Variants in DGLUCY observed in about 807,000 individuals in gnomAD.
The protein encoded by DGLUCY is D-glutamate cyclase, also known as D-glutamate cyclase, mitochondrial.
In DGLUCY, 58 loss-of-function variants were observed where a neutral mutation model predicts 58.5. That is an observed-to-expected ratio of 0.99 (90% CI 0.80 to 1.23). The LOEUF is 1.23. DGLUCY is among the 50% of genes most tolerant of loss of function. The pLI is 0.00. For synonymous variants in DGLUCY, 325 were observed against 314.1 expected (o/e 1.03, Z -0.37); for missense variants, 779 against 784.7 (o/e 0.99, Z 0.09).
chr14:91,117,480 C>T (rs556404753), intron 1 of DGLUCY, among the ~76,000 whole-genome samples: 6 of 152,296 alleles, frequency 3.9e-5, no homozygotes, highest in Non-Finnish European at 7.3e-5. Context: ...GGTTTGGCCA[C>T]TCAATACCTA....
intron 8 of DGLUCY, among the ~76,000 whole-genome samples, chr14:91,183,137 C>T (rs2049288565): frequency 6.6e-6 from 1 of 151,490 alleles, no homozygotes; most frequent in African/African-American, 2.4e-5. Flanking sequence ...GACTACAGGC[C>T]GGCACCACCA....
chr14:91,210,249 T>G (rs1885455402), intron 12 of DGLUCY, among the ~76,000 whole-genome samples: 1 of 152,112 alleles, frequency 6.6e-6, no homozygotes, highest in South Asian at 2.1e-4. Context: ...GGGGGGAGCA[T>G]AACTGATAAA....
chr14:91,137,669 A>G (rs2046422407), intron 1 of DGLUCY, among the ~76,000 whole-genome samples: 2 of 151,926 alleles, frequency 1.3e-5, no homozygotes, highest in South Asian at 4.1e-4. Flanking sequence ...TGCTGGGATC[A>G]TAGGCGTGAG....
chr14:91,089,232 T>C (rs887761801), intron 1 of DGLUCY, among the ~76,000 whole-genome samples: 4 of 152,156 alleles, frequency 2.6e-5, no homozygotes, highest in African/African-American at 9.7e-5. Context: ...TCAGGGTTCT[T>C]TTGATGATGG....
intron 8 of DGLUCY, among the ~76,000 whole-genome samples, chr14:91,184,031 G>T (rs768432484): frequency 3.3e-5 from 5 of 151,882 alleles, no homozygotes; most frequent in Non-Finnish European, 5.9e-5. Flanking sequence ...ATTCCCCAGA[G>T]TCAGGTGGGC....
At chr14:91,074,310 AAAATAT>A (rs1168289075) in intron 1 of DGLUCY, among the ~76,000 whole-genome samples, 69 of 138,090 alleles carry the variant, frequency 5.0e-4, no homozygotes, top group African/African-American at 1.9e-3. Flanking sequence ...AAAAAAAAAA[AAAATAT>A]ATATATATAT....
At chr14:91,136,531 A>T (rs1227231492) in intron 1 of DGLUCY, among the ~76,000 whole-genome samples, 1 of 151,580 alleles carries the variant, frequency 6.6e-6, no homozygotes, top group Non-Finnish European at 1.5e-5. Context: ...TAAAAATACA[A>T]AAATTAACCA....
chr14:91,136,897 A>T (rs2046371329), intron 1 of DGLUCY, among the ~76,000 whole-genome samples: 2 of 151,582 alleles, frequency 1.3e-5, no homozygotes, highest in South Asian at 4.2e-4. Flanking sequence ...TGAACCCGGG[A>T]GGTGGAGGTT....
intron 1 of DGLUCY, among the ~76,000 whole-genome samples, chr14:91,097,079 G>A (rs751488915): frequency 7.9e-5 from 12 of 152,226 alleles, no homozygotes; most frequent in Non-Finnish European, 1.5e-4. Flanking sequence ...CTGCTAACAG[G>A]TCTGGGAGTT....
intron 1 of DGLUCY, among the ~76,000 whole-genome samples, chr14:91,120,177 C>T (rs532187324): frequency 1.6e-4 from 25 of 152,248 alleles, no homozygotes; most frequent in South Asian, 6.2e-4. Flanking sequence ...TCCTCAGCCA[C>T]GCAAAAGCTG....
chr14:91,146,882 C>T (rs1199954619), intron 1 of DGLUCY, among the ~76,000 whole-genome samples: 1 of 152,100 alleles, frequency 6.6e-6, no homozygotes, highest in Admixed American at 6.6e-5. Context: ...GAGCGCACCA[C>T]CCAGCACGGG....
At chr14:91,157,082 G>GATGA (rs1363668487) in intron 1 of DGLUCY, among the ~76,000 whole-genome samples, 80 of 147,704 alleles carry the variant, frequency 5.4e-4, no homozygotes, top group Non-Finnish European at 9.7e-4. Flanking sequence ...TGGATGGATG[G>GATGA]ATGGATGGAT....
At chr14:91,188,039 C>A (rs2049628982) in intron 8 of DGLUCY, among the ~76,000 whole-genome samples, 1 of 152,078 alleles carries the variant, frequency 6.6e-6, no homozygotes, top group African/African-American at 2.4e-5. Flanking sequence ...AGTGCTGTAA[C>A]CTAGAAGCCC....
chr14:91,223,072 G>T (rs760047152), intron 13 of DGLUCY, among the ~76,000 whole-genome samples: 2 of 152,160 alleles, frequency 1.3e-5, no homozygotes. Flanking sequence ...AACAATTGAG[G>T]ATTAGGTTCA....
intron 8 of DGLUCY, among the ~76,000 whole-genome samples, chr14:91,187,701 A>G (rs2049606024): frequency 6.6e-6 from 1 of 152,146 alleles, no homozygotes; most frequent in Non-Finnish European, 1.5e-5. Context: ...ACAGCTTGGT[A>G]GTGCAGAGGA....
chr14:91,142,534 C>T (rs1433415999), intron 1 of DGLUCY, among the ~76,000 whole-genome samples: 1 of 152,032 alleles, frequency 6.6e-6, no homozygotes, highest in East Asian at 1.9e-4. Flanking sequence ...CTTCCTGTCC[C>T]TCAGGCCTCC....
chr14:91,195,090 G>A (rs555646042), intron 9 of DGLUCY, among the ~76,000 whole-genome samples: 1 of 152,296 alleles, frequency 6.6e-6, no homozygotes, highest in Non-Finnish European at 1.5e-5. Flanking sequence ...AGATTGAGGA[G>A]CTGGCTGAAG....
chr14:91,137,309 CT>C (rs2046395691), intron 1 of DGLUCY, among the ~76,000 whole-genome samples: 1 of 151,954 alleles, frequency 6.6e-6, no homozygotes, highest in Non-Finnish European at 1.5e-5. Flanking sequence ...GTGTCTCGTT[CT>C]TTTACCTGGA....
At chr14:91,096,258 A>G (rs1030819272) in intron 1 of DGLUCY, among the ~76,000 whole-genome samples, 4 of 152,166 alleles carry the variant, frequency 2.6e-5, no homozygotes, top group Non-Finnish European at 5.9e-5. Context: ...TACTAAAAAT[A>G]CAAAAATTAG....
Sources: gnomAD v4.1 joint callset for allele counts (sites outside exome capture counted in the v4.1 genomes callset) on GRCh38, gnomAD v4.1.1 for gene constraint, MANE v1.5 for transcripts, NCBI Gene and HGNC (gene_info 2026-07-23, HGNC 2026-07-21) for gene names.